PAPPA2: variants seen among roughly 807,000 people sequenced by gnomAD.
PAPPA2 encodes the protein pappalysin-2.
Under a neutral mutation model 176.4 loss-of-function variants are expected in PAPPA2, and 86 were observed. The ratio of observed to expected loss-of-function variants is 0.49; its 90% CI spans 0.41 to 0.58. The LOEUF (loss-of-function observed/expected upper bound fraction) is 0.58. Among genes scored for constraint, PAPPA2 ranks in the 20% least tolerant of loss-of-function variants. The pLI, the probability that PAPPA2 is intolerant of heterozygous loss-of-function variation, is 0.00. For synonymous variants in PAPPA2, 809 were observed against 852.2 expected (o/e 0.95, Z 0.88); for missense variants, 2,073 against 2,256.9 (o/e 0.92, Z 1.65).
intron 4 of PAPPA2, among the ~76,000 whole-genome samples, chr1:176,684,791 G>C (rs1344080111): frequency 6.6e-6 from 1 of 152,168 alleles, no homozygotes; most frequent in Non-Finnish European, 1.5e-5. Flanking sequence ...AATTCAGTAA[G>C]TTTTCCTTTC....
chr1:176,574,512 C>T (rs1434962257), intron 2 of PAPPA2, among the ~76,000 whole-genome samples: 1 of 152,080 alleles, frequency 6.6e-6, no homozygotes, highest in Non-Finnish European at 1.5e-5. Flanking sequence ...AAAAAATTTT[C>T]AATTGACTGC....
At position 176,746,907 on chromosome 1, in the gene PAPPA2, G is replaced by T. The variant is rs568054995; in HGVS notation, c.4151+6711G>T. On this transcript the variant is annotated intron_variant, in intron 14 of 22. Transcript: ENST00000367662. ...GTGTAGTGTGTGTGTTTGCATGTGTGTATTCATGTGCGTTTGTGTATAGAA... is the reference window on the plus strand; with the variant it reads ...GTGTAGTGTGTGTGTTTGCATGTGTTTATTCATGTGCGTTTGTGTATAGAA... Among the ~76,000 whole-genome samples, 253 of 152,250 alleles carry T rather than the reference G, an allele frequency of 1.7e-3. 2 individuals carry two copies. The highest frequency in any genetic ancestry group is 3.7e-3 in the South Asian group (18 of 4,816).
chr1:176,476,146 A>C (rs1394986917), intron 1 of PAPPA2, among the ~76,000 whole-genome samples: 1 of 152,188 alleles, frequency 6.6e-6, no homozygotes, highest in Non-Finnish European at 1.5e-5. Flanking sequence ...GAGTTAGAAG[A>C]GGGAAAATAT....
chr1:176,728,913 G>A (rs943328245), intron 12 of PAPPA2, among the ~76,000 whole-genome samples: 3 of 151,782 alleles, frequency 2.0e-5, no homozygotes, highest in Admixed American at 6.6e-5. Context: ...GCCCAAACCC[G>A]ATATTACCCA....
intron 1 of PAPPA2, among the ~76,000 whole-genome samples, chr1:176,476,416 T>A (rs1477951745): frequency 6.6e-6 from 1 of 152,210 alleles, no homozygotes; most frequent in Non-Finnish European, 1.5e-5. Context: ...CTGAAGCTCA[T>A]GTCCCCACCA....
At chr1:176,832,279 T>C (rs1571393856) in intron 21 of PAPPA2, among the ~76,000 whole-genome samples, 1 of 152,342 alleles carries the variant, frequency 6.6e-6, no homozygotes, top group East Asian at 1.9e-4. Flanking sequence ...CTGCTCATTG[T>C]TAAGAAATTT....
intron 1 of PAPPA2, among the ~76,000 whole-genome samples, chr1:176,483,882 A>G (rs939836064): frequency 2.6e-5 from 4 of 152,154 alleles, no homozygotes; most frequent in African/African-American, 9.7e-5. Context: ...ATGGCTCCTG[A>G]GGGGAGGGCT....
chr1:176,657,043 C>G (rs1359669321), intron 3 of PAPPA2, among the ~76,000 whole-genome samples: 1 of 151,936 alleles, frequency 6.6e-6, no homozygotes, highest in Non-Finnish European at 1.5e-5. Context: ...CAAGCCCAGA[C>G]AGCATTCCTA....
chr1:176,504,211 T>C (rs1015773361), intron 1 of PAPPA2, among the ~76,000 whole-genome samples: 5 of 151,960 alleles, frequency 3.3e-5, no homozygotes, highest in African/African-American at 1.2e-4. Context: ...AGGAAAAAAA[T>C]AAATAGCCTT....
chr1:176,798,063 C>T (rs1314221944), intron 20 of PAPPA2, among the ~76,000 whole-genome samples: 2 of 152,050 alleles, frequency 1.3e-5, no homozygotes, highest in Non-Finnish European at 2.9e-5. Context: ...ACACAGGTAC[C>T]ACCAACTTTT....
chr1:176,841,673 G>A (rs12142032), intron 22 of PAPPA2, among the ~76,000 whole-genome samples: 11,775 of 152,004 alleles, frequency 0.077, 491 homozygotes, highest in Non-Finnish European at 0.086. Flanking sequence ...AACTTTTTCC[G>A]GACTATCTCT....
At chr1:176,577,634 A>T (rs1652726830) in intron 2 of PAPPA2, among the ~76,000 whole-genome samples, 1 of 151,928 alleles carries the variant, frequency 6.6e-6, no homozygotes. Flanking sequence ...GCTGTCTGCC[A>T]GGTTTGCTTG....
intron 3 of PAPPA2, among the ~76,000 whole-genome samples, chr1:176,667,304 A>T (rs1053774462): frequency 3.3e-5 from 5 of 152,120 alleles, no homozygotes; most frequent in Non-Finnish European, 7.4e-5. Context: ...CTTCACACAA[A>T]TGTTGAAATT....
chr1:176,508,627 T>A (rs1558408204), intron 1 of PAPPA2, among the ~76,000 whole-genome samples: 3 of 151,974 alleles, frequency 2.0e-5, no homozygotes, highest in Non-Finnish European at 2.9e-5. Context: ...GACAATGATA[T>A]GGTGTGGCTC....
chr1:176,830,481 A>G (rs12132608), intron 21 of PAPPA2, among the ~76,000 whole-genome samples: 14,673 of 152,252 alleles, frequency 0.096, 848 homozygotes, highest in African/African-American at 0.15. Flanking sequence ...CTGCCCCCAC[A>G]GTCCTTGCAG....
intron 4 of PAPPA2, among the ~76,000 whole-genome samples, chr1:176,678,214 C>T (rs1573238298): frequency 6.6e-6 from 1 of 152,124 alleles, no homozygotes; most frequent in African/African-American, 2.4e-5. Context: ...TGTGAAGAGA[C>T]TCAAAATACT....
At chr1:176,673,148 G>A (rs1033059528) in intron 4 of PAPPA2, among the ~76,000 whole-genome samples, 1 of 152,160 alleles carries the variant, frequency 6.6e-6, no homozygotes, top group African/African-American at 2.4e-5. Context: ...TTCAGGAACA[G>A]TTCCAAAGGA....
intron 2 of PAPPA2, among the ~76,000 whole-genome samples, chr1:176,590,658 G>A (rs1653603381): frequency 6.6e-6 from 1 of 152,156 alleles, no homozygotes; most frequent in Non-Finnish European, 1.5e-5. Flanking sequence ...AAGATGCACA[G>A]ATTTTATTTC....
chr1:176,761,392 G>C (rs541883458), intron 14 of PAPPA2, among the ~76,000 whole-genome samples: 1 of 152,216 alleles, frequency 6.6e-6, no homozygotes, highest in East Asian at 1.9e-4. Context: ...CTGAGAACAC[G>C]TTGTAATGGG....
Sources: gnomAD v4.1 joint callset for allele counts (sites outside exome capture counted in the v4.1 genomes callset) on GRCh38, gnomAD v4.1.1 for gene constraint, MANE v1.5 for transcripts, NCBI Gene and HGNC (gene_info 2026-07-23, HGNC 2026-07-21) for gene names.